FOXO3: variants seen among roughly 807,000 people sequenced by gnomAD.
FOXO3 encodes forkhead box O3.
In FOXO3, 4 loss-of-function variants were observed where a neutral mutation model predicts 41.9. That is an observed-to-expected ratio of 0.10 (90% CI 0.05 to 0.22). The LOEUF is 0.22. Ranked by LOEUF, FOXO3 falls within the 10% of genes least tolerant of loss-of-function variation. The probability of loss-of-function intolerance (pLI) is 1.00; values close to 1 mark genes in which losing one functional copy is unlikely to be tolerated. For synonymous variants in FOXO3, 318 were observed against 389.3 expected (o/e 0.82, Z 2.16); for missense variants, 534 against 906.8 (o/e 0.59, Z 5.28).
chr6:108,616,516 T>TC (rs1777519268), intron 1 of FOXO3, among the ~76,000 whole-genome samples: 1 of 152,134 alleles, frequency 6.6e-6, no homozygotes, highest in Non-Finnish European at 1.5e-5. Context: ...CAGGCTGGTC[T>TC]CAACTCCTGG....
chr6:108,570,931 A>G (rs759774265), intron 1 of FOXO3, among the ~76,000 whole-genome samples: 1 of 152,222 alleles, frequency 6.6e-6, no homozygotes. Context: ...CCCATGATTT[A>G]CTTCCCACTC....
chr6:108,678,484 A>G (rs1449358709), intron 2 of FOXO3, among the ~76,000 whole-genome samples: 1 of 141,102 alleles, frequency 7.1e-6, no homozygotes, highest in African/African-American at 2.5e-5. Flanking sequence ...AGACAGCTCT[A>G]TGAATATACT....
chr6:108,588,526 G>A lies in FOXO3; in HGVS notation c.621+26697G>A, dbSNP rs549297099. 3.3e-5 allele frequency among the ~76,000 whole-genome samples: 5 copies of A among 152,246 alleles called. 1 individual carries two copies. The highest frequency in any genetic ancestry group is 4.2e-4 in the South Asian group (2 of 4,818). On this transcript the variant is annotated intron_variant, in intron 1 of 2. Transcript: ENST00000406360. ...ATTTGTTATTTAAAGTGAGATATGC[G>A]TGCAGACACACAGACCATGGTCTTC...
At chr6:108,576,367 A>C (rs974379297) in intron 1 of FOXO3, among the ~76,000 whole-genome samples, 4 of 152,214 alleles carry the variant, frequency 2.6e-5, no homozygotes, top group Non-Finnish European at 5.9e-5. Flanking sequence ...CATAATTTTT[A>C]GTAGGTGTTC....
chr6:108,628,123 G>GA (rs146403359), intron 1 of FOXO3, among the ~76,000 whole-genome samples: 14,759 of 152,180 alleles, frequency 0.097, 739 homozygotes, highest in East Asian at 0.15. Flanking sequence ...GCCTGGCAGA[G>GA]ACCAAGTGCT....
chr6:108,681,758 A>AT lies in FOXO3; in HGVS notation c.*1973dup, dbSNP rs942035394. Reference sequence around the variant, plus strand: ...AATCTTCATTTTTAAAGTATGTGTAATTTTTTTAAGTATGTATTCTATTCA... The same window carrying AT: ...AATCTTCATTTTTAAAGTATGTGTAATTTTTTTTAAGTATGTATTCTATTCA... On this transcript the variant is annotated 3_prime_UTR_variant, in exon 3 of 3. Transcript: ENST00000406360. The AT allele has an allele frequency of 1.3e-5, 2 of 152,504 alleles. No homozygotes were observed. The highest frequency in any genetic ancestry group is 4.1e-4 in the South Asian group (2 of 4,826). 9.4% of individuals were successfully genotyped at this position (152,504 alleles called of 1,614,324 possible). A position where few individuals can be genotyped will look rare whatever the true frequency, so the allele number is the denominator to read the frequency against.
intron 1 of FOXO3, among the ~76,000 whole-genome samples, chr6:108,615,871 A>G (rs1777485858): frequency 6.6e-6 from 1 of 151,996 alleles, no homozygotes; most frequent in South Asian, 2.1e-4. Flanking sequence ...AATCCCATCC[A>G]GTGTATTTTT....
intron 1 of FOXO3, among the ~76,000 whole-genome samples, chr6:108,601,502 C>T (rs1483354661): frequency 6.6e-6 from 1 of 152,060 alleles, no homozygotes; most frequent in Non-Finnish European, 1.5e-5. Flanking sequence ...CGGAGTTTCA[C>T]CATGTTGGCC....
At chr6:108,633,275 A>T (rs997070028) in intron 1 of FOXO3, among the ~76,000 whole-genome samples, 2 of 152,148 alleles carry the variant, frequency 1.3e-5, no homozygotes, top group Admixed American at 6.6e-5. Context: ...TGCTTTGGAT[A>T]AGAACTTTCA....
chr6:108,682,784 G>A lies in FOXO3; in HGVS notation c.*2992G>A, dbSNP rs1222133925. ...CAGAATGCTTAGCCTCAAGGGGCCT[G>A]GCAGCTGTAATGTTTGATTTATGAT... On this transcript the variant is annotated 3_prime_UTR_variant, in exon 3 of 3. Transcript: ENST00000406360. 3 of 152,280 alleles carry A rather than the reference G, an allele frequency of 2.0e-5. No individual in the cohort carries two copies. Among genetic ancestry groups the A allele is most frequent in the East Asian group, 1.9e-4 (1 of 5,202 alleles). 9.4% of individuals were successfully genotyped at this position (152,280 alleles called of 1,614,324 possible). A position where few individuals can be genotyped will look rare whatever the true frequency, so the allele number is the denominator to read the frequency against.
intron 1 of FOXO3, among the ~76,000 whole-genome samples, chr6:108,589,395 TC>T (rs1776670929): frequency 6.6e-6 from 1 of 152,174 alleles, no homozygotes; most frequent in Admixed American, 6.5e-5. Context: ...TTTGTTTACT[TC>T]CTCTCCAAGT....
chr6:108,659,206 TAAAAA>T (rs913149412), intron 1 of FOXO3, among the ~76,000 whole-genome samples: 2 of 151,928 alleles, frequency 1.3e-5, no homozygotes, highest in Admixed American at 6.6e-5. Flanking sequence ...TTTAAAATCT[TAAAAA>T]AAAATTTTTT....
intron 1 of FOXO3, among the ~76,000 whole-genome samples, chr6:108,616,030 C>T (rs546106744): frequency 6.6e-6 from 1 of 151,780 alleles, no homozygotes; most frequent in Admixed American, 6.6e-5. Flanking sequence ...CTCTGTCACC[C>T]AGGCTGGAGT....
At chr6:108,634,191 G>A (rs1249187391) in intron 1 of FOXO3, among the ~76,000 whole-genome samples, 1 of 152,176 alleles carries the variant, frequency 6.6e-6, no homozygotes, top group Non-Finnish European at 1.5e-5. Flanking sequence ...AAAAATGCCT[G>A]GCATAAACAA....
At chr6:108,630,790 A>G (rs1230037610) in intron 1 of FOXO3, among the ~76,000 whole-genome samples, 1 of 152,176 alleles carries the variant, frequency 6.6e-6, no homozygotes, top group Non-Finnish European at 1.5e-5. Context: ...TAAGGGAAGA[A>G]GGAAAAACTA....
chr6:108,566,900 G>A (rs1775960801), intron 1 of FOXO3, among the ~76,000 whole-genome samples: 1 of 152,144 alleles, frequency 6.6e-6, no homozygotes, highest in South Asian at 2.1e-4. Flanking sequence ...TGAAAGATTG[G>A]AAAGAGAAAA....
chr6:108,572,588 A>G (rs1323504649), intron 1 of FOXO3, among the ~76,000 whole-genome samples: 3 of 152,220 alleles, frequency 2.0e-5, no homozygotes, highest in African/African-American at 7.2e-5. Context: ...CAGACATTTA[A>G]GAATCAGAAT....
chr6:108,621,468 A>C (rs1582787488), intron 1 of FOXO3, among the ~76,000 whole-genome samples: 1 of 152,192 alleles, frequency 6.6e-6, no homozygotes, highest in East Asian at 1.9e-4. Context: ...AGAATCAAGT[A>C]TGTGTGTAGT....
intron 1 of FOXO3, among the ~76,000 whole-genome samples, chr6:108,563,973 C>T (rs903215383): frequency 1.3e-5 from 2 of 150,634 alleles, no homozygotes; most frequent in Non-Finnish European, 3.0e-5. Flanking sequence ...TTTTTTTACC[C>T]TTCTCTGCTA....
Sources: allele counts gnomAD v4.1 joint callset (sites outside exome capture counted in the v4.1 genomes callset), GRCh38; gene constraint gnomAD v4.1.1; transcripts MANE v1.5; gene names NCBI Gene and HGNC (gene_info 2026-07-23, HGNC 2026-07-21).